Variants in ASH1L observed in about 807,000 individuals in gnomAD.
ASH1L encodes ASH1 like histone lysine methyltransferase.
Under a neutral mutation model 269.0 loss-of-function variants are expected in ASH1L, and 23 were observed. The observed-to-expected ratio is 0.09, with a 90% CI of 0.06 to 0.12. The LOEUF (loss-of-function observed/expected upper bound fraction) is 0.12. ASH1L is among the 10% of genes least tolerant of loss of function. The probability of loss-of-function intolerance (pLI) is 1.00; values close to 1 mark genes in which losing one functional copy is unlikely to be tolerated. For missense variants in ASH1L, 2,912 were observed against 3,567.8 expected, an observed-to-expected ratio of 0.82 and a Z score of 4.68; for synonymous variants, 1,187 against 1,253.5, an observed-to-expected ratio of 0.95 and a Z score of 1.12.
chr1:155,371,050 AT>A, intron 10 of ASH1L, 67 bp from the exon 11 acceptor site: 3 of 1,396,996 alleles, frequency 2.1e-6, no homozygotes, highest in East Asian at 2.4e-5. Flanking sequence ...CCATTTTTAA[AT>A]TTTACAAACA....
intron 4 of ASH1L, among the ~76,000 whole-genome samples, chr1:155,446,963 G>A (rs1663088361): frequency 6.6e-6 from 1 of 152,212 alleles, no homozygotes; most frequent in Non-Finnish European, 1.5e-5. Flanking sequence ...TATATGTTGA[G>A]CTTAAACACA....
chr1:155,473,557 G>A (rs1043003477), intron 3 of ASH1L, among the ~76,000 whole-genome samples: 2 of 147,386 alleles, frequency 1.4e-5, no homozygotes, highest in East Asian at 4.0e-4. Flanking sequence ...GAAGTGGCAC[G>A]ATCACAGCTT....
intron 1 of ASH1L, among the ~76,000 whole-genome samples, chr1:155,545,761 C>T (rs567411818): frequency 6.6e-6 from 1 of 152,272 alleles, no homozygotes. Context: ...TGGCTCATGC[C>T]TGTAACCCCA....
At chr1:155,552,763 T>C (rs1671306399) in intron 1 of ASH1L, among the ~76,000 whole-genome samples, 1 of 152,186 alleles carries the variant, frequency 6.6e-6, no homozygotes, top group Non-Finnish European at 1.5e-5. Context: ...GGAAAAAATA[T>C]GTATACAAAT....
Position 155,481,070 on chromosome 1 carries a change from T to G in ASH1L, c.1800A>C (p.Gly600=), listed in dbSNP as rs1471888055. The G allele has an allele frequency of 6.2e-7, 1 of 1,614,118 alleles. No homozygotes were observed. The highest frequency in any genetic ancestry group is 8.5e-7 in the Non-Finnish European group (1 of 1,179,976). ...ELIEEISESV[G]KNQFTSESTH... is the part of the protein sequence containing the mutation. ...TACTTTCAGAAGTAAACTGGTTCTT[T>G]CCAACAGATTCAGAAATTTCTTCGA... The change falls in exon 3 of 28, where the codon GGA becomes GGC. Residue 600 remains glycine, a synonymous_variant. Transcript: ENST00000392403.
At chr1:155,428,352 G>T (rs1661329795) in intron 5 of ASH1L, among the ~76,000 whole-genome samples, 1 of 151,784 alleles carries the variant, frequency 6.6e-6, no homozygotes, top group African/African-American at 2.4e-5. Flanking sequence ...GAGGGCAGGA[G>T]AATTGCTTGA....
At chr1:155,357,830 G>T in intron 13 of ASH1L, 81 bp from the exon 14 acceptor site, 2 of 1,343,482 alleles carry the variant, frequency 1.5e-6, no homozygotes, top group Non-Finnish European at 2.0e-6. Flanking sequence ...AAGTACAATA[G>T]TATGATCATG....
intron 3 of ASH1L, among the ~76,000 whole-genome samples, chr1:155,470,354 G>T (rs1019595237): frequency 6.6e-6 from 1 of 151,930 alleles, no homozygotes; most frequent in African/African-American, 2.4e-5. Context: ...AGCTACTCAG[G>T]AGGCTGAGGC....
intron 5 of ASH1L, among the ~76,000 whole-genome samples, chr1:155,426,422 C>T (rs1661160351): frequency 6.6e-6 from 1 of 151,882 alleles, no homozygotes; most frequent in Non-Finnish European, 1.5e-5. Context: ...AGGATGGTCT[C>T]GATCTCCTGA....
intron 5 of ASH1L, 91 bp from the exon 6 acceptor site, chr1:155,416,014 TAAAA>T (rs774892153): frequency 1.4e-5 from 15 of 1,110,796 alleles, no homozygotes; most frequent in Non-Finnish European, 1.9e-5. Flanking sequence ...CCATAGCAAT[TAAAA>T]AAAGAGATAT....
intron 2 of ASH1L, among the ~76,000 whole-genome samples, chr1:155,520,514 C>A (rs180962029): frequency 3.3e-5 from 5 of 151,452 alleles, no homozygotes; most frequent in Admixed American, 3.3e-4. Flanking sequence ...TTTTTTCGGT[C>A]AGACACAGTG....
rs1161207568 is a variant in ASH1L at position 155,361,518 on chromosome 1, CAAAAAAAAAAAAAAAA to C, written c.6687-1125_6687-1110del. On this transcript the variant is annotated intron_variant, in intron 12 of 27. Transcript: ENST00000392403. ...GGTGACAGAGTGAGACTCCATCTCA[CAAAAAAAAAAAAAAAA>C]AAAAAAAAAAAAAAATTAGCCAGGC... Among the ~76,000 whole-genome samples, 8 of 36,380 alleles carry C rather than the reference CAAAAAAAAAAAAAAAA, an allele frequency of 2.2e-4. No individual in the cohort carries two copies. In the South Asian group the frequency reaches 9.2e-3, roughly 42 times the overall value. 23.9% of individuals were successfully genotyped at this position (36,380 alleles called of 152,430 possible). A position where few individuals can be genotyped will look rare whatever the true frequency, so the allele number is the denominator to read the frequency against.
chr1:155,524,345 C>A (rs543813840), intron 1 of ASH1L, among the ~76,000 whole-genome samples: 36 of 150,954 alleles, frequency 2.4e-4, no homozygotes, highest in Admixed American at 2.2e-3. Flanking sequence ...CTCGGTGAAA[C>A]CCCATCTTTT....
intron 7 of ASH1L, among the ~76,000 whole-genome samples, chr1:155,390,870 C>T (rs527782009): frequency 4.6e-5 from 7 of 151,416 alleles, no homozygotes; most frequent in South Asian, 4.2e-4. Flanking sequence ...AGGATGGTTT[C>T]GATCTCCTGA....
At chr1:155,458,544 G>A (rs1664034146) in intron 4 of ASH1L, among the ~76,000 whole-genome samples, 1 of 152,142 alleles carries the variant, frequency 6.6e-6, no homozygotes, top group Non-Finnish European at 1.5e-5. Context: ...GCGAATTTTA[G>A]TCTCTACTAA....
At position 155,521,332 on chromosome 1, in the gene ASH1L, T is replaced by C. The variant is rs1430820734; in HGVS notation, c.188A>G (p.Asp63Gly). ...NRERNIEAGKDDGLTDAQQQF... is the reference protein window; with the variant it reads ...NRERNIEAGKGDGLTDAQQQF... ...TTGCTGTGCATCAGTCAAACCATCA[T>C]CTTTCCCAGCTTCGATGTTTCTTTC... Residue 63 changes from aspartate (D) to glycine (G), a missense_variant, in exon 2 of 28, where the codon GAT becomes GGT. Around this residue, in one of 13 missense-constraint regions of ASH1L, gnomAD observed 115 missense variants for 101.5 expected, o/e 1.13. Transcript: ENST00000392403. The C allele has an allele frequency of 4.3e-6, 7 of 1,614,078 alleles. No homozygotes were observed. The Admixed American group carries it at 6.7e-5, about 15-fold the overall frequency.
In ASH1L at chr1:155,339,325, T is replaced by G. The variant is rs1652575442; in HGVS notation, c.8501+3A>C. 6.2e-7 allele frequency: 1 copy of G among 1,613,310 alleles called. No individual in the cohort carries two copies. The highest frequency in any genetic ancestry group is 1.3e-5 in the African/African-American group (1 of 74,932). ...GATCCTCATATCCCCCCATGGGACT[T>G]ACCGTCCTCCATTCCTCTTGTAGTT... On this transcript the variant is annotated splice_donor_region_variant and intron_variant, in intron 26 of 27. Transcript: ENST00000392403.
In ASH1L at chr1:155,562,353, AG is replaced by A; in HGVS notation, c.-301del. 1 of 1,536,292 alleles carries A rather than the reference AG, an allele frequency of 6.5e-7. No individual in the cohort carries two copies. The highest frequency in any genetic ancestry group is 8.9e-7 in the Non-Finnish European group (1 of 1,125,616). ...GTGGAAGGCTAAAGGGGGCAAACTG[AG>A]GGGAGGCGGGTCCCGCAACCGAGAC... is the stretch of plus-strand genomic sequence containing the variant. On this transcript the variant is annotated 5_prime_UTR_variant, in exon 1 of 28. Coordinates refer to ENST00000392403, the MANE Select transcript of ASH1L (RefSeq NM_018489.3).
rs1176502149 is a variant in ASH1L, at chr1:155,466,081, G to A, written c.4985-6183C>T. Among the ~76,000 whole-genome samples, 8 of 152,174 alleles carry A rather than the reference G, an allele frequency of 5.3e-5. No homozygotes were observed. In the South Asian group the frequency reaches 8.3e-4, roughly 16 times the overall value. ...GCTATAAAGTCTGTTTTGGCCGGGC[G>A]CTGTGGCTCATGTCTGTAATCCCAG... On this transcript the variant is annotated intron_variant, in intron 3 of 27. Transcript: ENST00000392403.
Sources: gnomAD v4.1 joint callset for allele counts (sites outside exome capture counted in the v4.1 genomes callset) on GRCh38, gnomAD v4.1.1 for gene constraint, gnomAD v4.1.1 regional missense constraint, MANE v1.5 for transcripts, NCBI Gene and HGNC (gene_info 2026-07-23, HGNC 2026-07-21) for gene names.